ID4: variants seen among roughly 807,000 people sequenced by gnomAD.
ID4 encodes inhibitor of DNA binding 4.
In ID4, 9 loss-of-function variants were observed where a neutral mutation model predicts 8.6. The observed-to-expected ratio is 1.04, with a 90% confidence interval of 0.63 to 1.82. The LOEUF (loss-of-function observed/expected upper bound fraction) is 1.82. ID4 is among the 40% of genes most tolerant of loss of function. The pLI is 0.00. For synonymous variants in ID4, 180 were observed against 118.0 expected (o/e 1.53, Z -3.41); for missense variants, 270 against 235.1 (o/e 1.15, Z -0.97).
chr6:19,838,549 C>T (rs376116044), intron 1 of ID4, 35 bp from the exon 2 acceptor site: 12 of 1,613,818 alleles, frequency 7.4e-6, no homozygotes, highest in Non-Finnish European at 1.0e-5. Flanking sequence ...TTTGCGCCTG[C>T]TAACCTTTCC....
chr6:19,841,646 C>T lies in ID4; in HGVS notation c.*2451C>T, dbSNP rs1351155496. Reference sequence around the variant, plus strand: ...CAGATACTACATTTCAAAGAGTTGGCATTTTCCCTTTGGCCACTCAAGCAG... The same window carrying T: ...CAGATACTACATTTCAAAGAGTTGGTATTTTCCCTTTGGCCACTCAAGCAG... On this transcript the variant is annotated 3_prime_UTR_variant, in exon 3 of 3. Coordinates refer to ENST00000378700, the MANE Select transcript of ID4 (RefSeq NM_001546.4). Among the ~76,000 whole-genome samples, 2 of 152,144 alleles carry T rather than the reference C, an allele frequency of 1.3e-5. No individual in the cohort carries two copies. Among genetic ancestry groups the T allele is most frequent in the Non-Finnish European group, 2.9e-5 (2 of 68,010 alleles).
chr6:19,838,292 G>A (rs1761271845), intron 1 of ID4, 97 bp downstream of exon 1: 5 of 1,170,926 alleles, frequency 4.3e-6, no homozygotes, highest in Admixed American at 4.2e-5. Flanking sequence ...CTCCGGGCAG[G>A]GGCGGGCCAG....
Position 19,841,344 on chromosome 6 carries a change from C to G in ID4, c.*2149C>G, listed in dbSNP as rs1761356354. ...TTCCAAATCTGAAGAATTCTAACGA[C>G]TGCATTCTTTGTTATTAAAAAGGGC... On this transcript the variant is annotated 3_prime_UTR_variant, in exon 3 of 3. Transcript: ENST00000378700. Among the ~76,000 whole-genome samples, 1 of 152,180 alleles carries G rather than the reference C, an allele frequency of 6.6e-6. No homozygotes were observed. Among genetic ancestry groups the G allele is most frequent in the East Asian group, 1.9e-4 (1 of 5,200 alleles).
chr6:19,839,093 T>TG (rs1288051475), intron 2 of ID4, 117 bp from the exon 3 acceptor site: 1 of 203,588 alleles, frequency 4.9e-6, no homozygotes, highest in African/African-American at 2.4e-5. Context: ...GGGTGTTGTC[T>TG]GACCTGGTGG....
Position 19,838,178 on chromosome 6 carries a change from G to A in ID4, c.424G>A (p.Ala142Thr). Residue 142 changes from alanine (A) to threonine (T), a missense_variant, in exon 1 of 3, where the codon GCG becomes ACG. Ala to Thr is a moderately conservative substitution (Grantham distance 58). Coordinates refer to ENST00000378700, the MANE Select transcript of ID4 (RefSeq NM_001546.4). ...PAAPPRTPLT[A>T]LNTDPAGAVN... is the part of the protein sequence containing the mutation. ...CGCGCCGCCGCGGACCCCGCTCACT[G>A]CGCTCAACACCGACCCGGTGAGAGG... 2 of 1,485,788 alleles carry A rather than the reference G, an allele frequency of 1.3e-6. No individual in the cohort carries two copies. Among genetic ancestry groups the A allele is most frequent in the Non-Finnish European group, 1.8e-6 (2 of 1,118,144 alleles). The allele number at this position is 1,485,788 out of a possible 1,614,324, so 92.0% of individuals were successfully genotyped here.
chr6:19,837,945 T>G lies in ID4; in HGVS notation c.191T>G (p.Leu64Arg). The change falls in exon 1 of 3, where the codon CTG (leucine) becomes CGG (arginine). Residue 64 changes from leucine to arginine, a missense_variant. Coordinates refer to ENST00000378700, the MANE Select transcript of ID4 (RefSeq NM_001546.4). ...EAAADEPALCLQCDMNDCYSR... is the reference protein window; with the variant it reads ...EAAADEPALCRQCDMNDCYSR... ...GCGGCCGACGAGCCGGCGCTGTGCC[T>G]GCAGTGCGATATGAACGACTGCTAT... 6.5e-7 allele frequency: 1 copy of G among 1,527,544 alleles called. No individual in the cohort carries two copies. The highest frequency in any genetic ancestry group is 1.4e-5 in the African/African-American group (1 of 70,332). The allele number at this position is 1,527,544 out of a possible 1,614,324, so 94.6% of individuals were successfully genotyped here. A position where few individuals can be genotyped will look rare whatever the true frequency, so the allele number is the denominator to read the frequency against.
In ID4 at chr6:19,841,817, G is replaced by C. The variant is rs1281730122; in HGVS notation, c.*2622G>C. On this transcript the variant is annotated 3_prime_UTR_variant, in exon 3 of 3. Coordinates refer to ENST00000378700, the MANE Select transcript of ID4 (RefSeq NM_001546.4). ...AAAAACATTTTGAGTCTTTTATCTA[G>C]GTAGTTCTAATTATTCAGCTACTTA... Among the ~76,000 whole-genome samples, 1 of 152,120 alleles carries C rather than the reference G, an allele frequency of 6.6e-6. No individual in the cohort carries two copies. The highest frequency in any genetic ancestry group is 6.5e-5 in the Admixed American group (1 of 15,268).
In ID4 at chr6:19,840,096, GCATA is replaced by G. The variant is rs1189830154; in HGVS notation, c.*905_*908del. ...GTAGATTGAAATCTTTGTATTTGAA[GCATA>G]CATGTTGAAAATACACCTTATCAGT... is the stretch of plus-strand genomic sequence containing the variant. On this transcript the variant is annotated 3_prime_UTR_variant, in exon 3 of 3. Transcript: ENST00000378700. The G allele has an allele frequency of 6.6e-6, 1 of 152,494 alleles. No homozygotes were observed. The allele number at this position is 152,494 out of a possible 1,614,324, so 9.4% of individuals were successfully genotyped here.
intron 1 of ID4, 66 bp downstream of exon 1, chr6:19,838,261 G>A: frequency 7.8e-7 from 1 of 1,276,806 alleles, no homozygotes; most frequent in Non-Finnish European, 1.0e-6. Context: ...GCGTGGTGGC[G>A]GGACGCGGGC....
rs947639488 is a variant in ID4 at position 19,840,611 on chromosome 6, C to T, written c.*1416C>T. On this transcript the variant is annotated 3_prime_UTR_variant, in exon 3 of 3. Transcript: ENST00000378700. ...TGATTTTCACTATAGCTATGTTACG[C>T]TAAGCTACTGTCCAATCTCTTGTGA... is the stretch of plus-strand genomic sequence containing the variant. 1.3e-5 allele frequency: 2 copies of T among 152,526 alleles called. No homozygotes were observed. The highest frequency in any genetic ancestry group is 2.4e-5 in the African/African-American group (1 of 41,432). 9.4% of individuals were successfully genotyped at this position (152,526 alleles called of 1,614,324 possible).
chr6:19,838,130 C>CA lies in ID4; in HGVS notation c.377dup (p.His126GlnfsTer54). On this transcript the variant is annotated frameshift_variant, in exon 1 of 3. Coordinates refer to ENST00000378700, the MANE Select transcript of ID4 (RefSeq NM_001546.4). LOFTEE classifies it high-confidence loss of function. The stretch of plus-strand genomic sequence containing the variant: ...GCCACCACCGCCCGCGCCGCCACAC[C>CA]ACCCGGCCGGGACCTGTCCAGCCGC... 6.3e-7 allele frequency: 1 copy of CA among 1,576,232 alleles called. No individual in the cohort carries two copies. The highest frequency in any genetic ancestry group is 1.2e-5 in the South Asian group (1 of 86,536).
At chr6:19,838,781 C>G (rs950323981) in intron 2 of ID4, 139 bp downstream of exon 2, 16 of 673,890 alleles carry the variant, frequency 2.4e-5, no homozygotes, top group Admixed American at 5.1e-5. Context: ...TCCCCTCTCT[C>G]CCTGCCACCT....
In ID4 at chr6:19,838,132, C is replaced by T. The variant is rs774141238; in HGVS notation, c.378C>T (p.His126=). 1.9e-6 allele frequency: 3 copies of T among 1,574,638 alleles called. No individual in the cohort carries two copies. Among genetic ancestry groups the T allele is most frequent in the African/African-American group, 2.7e-5 (2 of 73,254 alleles). The change falls in exon 1 of 3, where the codon CAC becomes CAT. Residue 126 remains histidine (H), a synonymous_variant. Transcript: ENST00000378700. ...RQPPPPAPPH[H]PAGTCPAAPP... Reference sequence around the variant, plus strand: ...CACCACCGCCCGCGCCGCCACACCACCCGGCCGGGACCTGTCCAGCCGCGC... The same window carrying T: ...CACCACCGCCCGCGCCGCCACACCATCCGGCCGGGACCTGTCCAGCCGCGC...
In ID4 at chr6:19,839,581, T is replaced by C. The variant is rs893706110; in HGVS notation, c.*386T>C. 8 of 152,382 alleles carry C rather than the reference T, an allele frequency of 5.2e-5. No individual in the cohort carries two copies. The highest frequency in any genetic ancestry group is 1.2e-4 in the Non-Finnish European group (8 of 68,012). 9.4% of individuals were successfully genotyped at this position (152,382 alleles called of 1,614,324 possible). On this transcript the variant is annotated 3_prime_UTR_variant, in exon 3 of 3. Coordinates refer to ENST00000378700, the MANE Select transcript of ID4 (RefSeq NM_001546.4). Reference sequence around the variant, plus strand: ...GTGACCAAGGAGCTCAATTTTTGTTTTGAAGCTTTACTAATCTACCAGAGC... The same window carrying C: ...GTGACCAAGGAGCTCAATTTTTGTTCTGAAGCTTTACTAATCTACCAGAGC...
At position 19,840,112 on chromosome 6, in the gene ID4, T is replaced by TAA. The variant is rs1204589739; in HGVS notation, c.*918_*919insAA. 1 of 152,654 alleles carries TAA rather than the reference T, an allele frequency of 6.6e-6. No homozygotes were observed. Among genetic ancestry groups the TAA allele is most frequent in the East Asian group, 1.9e-4 (1 of 5,202 alleles). The allele number at this position is 152,654 out of a possible 1,614,324, so 9.5% of individuals were successfully genotyped here. On this transcript the variant is annotated 3_prime_UTR_variant, in exon 3 of 3. Transcript: ENST00000378700. ...GTATTTGAAGCATACATGTTGAAAA[T>TAA]ACACCTTATCAGTTTTTAAGTACAG...
At position 19,838,603 on chromosome 6, in the gene ID4, A is replaced by G; in HGVS notation, c.461A>G (p.Gln154Arg). ...TTCCAGGCCGGCGCGGTGAACAAGCAGGGCGACAGCATTCTGTGCCGCTGA... is the reference window on the plus strand; with the variant it reads ...TTCCAGGCCGGCGCGGTGAACAAGCGGGGCGACAGCATTCTGTGCCGCTGA... The part of the protein sequence containing the change: ...NTDPAGAVNK[Q>R]GDSILCR Residue 154 changes from glutamine (Q) to arginine (R), a missense_variant, in exon 2 of 3, where the codon CAG becomes CGG. Gln to Arg is a conservative substitution (Grantham distance 43). Transcript: ENST00000378700. The G allele has an allele frequency of 6.2e-7, 1 of 1,613,886 alleles. No individual in the cohort carries two copies. Among genetic ancestry groups the G allele is most frequent in the Non-Finnish European group, 8.5e-7 (1 of 1,179,854 alleles).
chr6:19,838,063 C>T lies in ID4; in HGVS notation c.309C>T (p.Asp103=), dbSNP rs137916736. Residue 103 remains aspartate, a synonymous_variant, in exon 1 of 3, where the codon GAC becomes GAT. Transcript: ENST00000378700. ...AGCACGTTATCGACTACATCCTGGA[C>T]CTGCAGCTGGCGCTGGAGACGCACC... ...ILQHVIDYIL[D]LQLALETHPA... The T allele has an allele frequency of 4.4e-5, 70 of 1,607,158 alleles. No homozygotes were observed. The highest frequency in any genetic ancestry group is 1.5e-4 in the Admixed American group (9 of 59,426).
Position 19,840,951 on chromosome 6 carries a change from T to A in ID4, c.*1756T>A, listed in dbSNP as rs1447534810. On this transcript the variant is annotated 3_prime_UTR_variant, in exon 3 of 3. Coordinates refer to ENST00000378700, the MANE Select transcript of ID4 (RefSeq NM_001546.4). ...GTTTGATTTTTAAAAGGAAAGGATT[T>A]GTTTCAGATTATACAAGAATAAAAG... is the stretch of plus-strand genomic sequence containing the variant. Among the ~76,000 whole-genome samples the A allele has an allele frequency of 6.6e-6, 1 of 152,174 alleles. No individual in the cohort carries two copies. The highest frequency in any genetic ancestry group is 1.5e-5 in the Non-Finnish European group (1 of 68,028).
At chr6:19,838,236 G>A (rs1041487082) in intron 1 of ID4, 41 bp downstream of exon 1, 4 of 1,321,304 alleles carry the variant, frequency 3.0e-6, no homozygotes, top group East Asian at 6.3e-5. Flanking sequence ...CGCCGCGGGG[G>A]ATGGGAGGTT....
Sources: gnomAD v4.1 joint callset for allele counts (sites outside exome capture counted in the v4.1 genomes callset) on GRCh38, gnomAD v4.1.1 for gene constraint, MANE v1.5 for transcripts, NCBI Gene and HGNC (gene_info 2026-07-23, HGNC 2026-07-21) for gene names.